The following ACYP2 variants were observed in gnomAD, a reference collection of about 807,000 sequenced individuals.
The protein encoded by ACYP2 is acylphosphatase 2, also known as acylphosphatase-2.
In ACYP2, 12 loss-of-function variants were observed where a neutral mutation model predicts 11.2. That is an observed-to-expected ratio of 1.08 (90% CI 0.69 to 1.74). The LOEUF (loss-of-function observed/expected upper bound fraction) is 1.74. Among genes scored for constraint, ACYP2 ranks in the 40% most tolerant of loss-of-function variants. The pLI, the probability that ACYP2 is intolerant of heterozygous loss-of-function variation, is 0.00. For missense variants in ACYP2, 134 were observed against 101.9 expected (o/e 1.31, Z -1.35); for synonymous variants, 43 against 32.2 (o/e 1.33, Z -1.13).
At position 54,173,358 on chromosome 2, in the gene ACYP2, C is replaced by A. The variant is rs552709439; in HGVS notation, c.404+34610C>A. Among the ~76,000 whole-genome samples the A allele has an allele frequency of 6.6e-5, 10 of 152,280 alleles. No homozygotes were observed. The South Asian group carries it at 1.9e-3, about 28-fold the overall frequency. On this transcript the variant is annotated intron_variant, in intron 6 of 6. Transcript: ENST00000607452. ...ATAAATGTCTTCTTTTGAGAAGTGT[C>A]TGTTTATATCCTTTGCCCACTTTTT...
At chr2:54,042,186 A>C (rs767769753) in intron 2 of ACYP2, among the ~76,000 whole-genome samples, 1 of 152,054 alleles carries the variant, frequency 6.6e-6, no homozygotes, top group African/African-American at 2.4e-5. Flanking sequence ...TTGTATTTTT[A>C]GTAGACACAG....
chr2:54,255,296 TG>T (rs1255808652), intron 6 of ACYP2: 3 of 1,614,222 alleles, frequency 1.9e-6, no homozygotes, highest in Non-Finnish European at 2.5e-6. Context: ...CTAGGGTGTC[TG>T]AGCTCCTTCA....
chr2:54,190,038 A>G (rs1684176665), intron 6 of ACYP2, among the ~76,000 whole-genome samples: 1 of 152,054 alleles, frequency 6.6e-6, no homozygotes. Flanking sequence ...CCCTTTGCCT[A>G]TTTTAAAAAT....
chr2:53,996,202 A>G (rs1672567082), intron 2 of ACYP2, among the ~76,000 whole-genome samples: 1 of 152,082 alleles, frequency 6.6e-6, no homozygotes. Context: ...GTTCTAAGAG[A>G]ATAAGATTCC....
At chr2:53,988,100 C>A (rs912733389) in intron 2 of ACYP2, among the ~76,000 whole-genome samples, 1 of 152,016 alleles carries the variant, frequency 6.6e-6, no homozygotes, top group Non-Finnish European at 1.5e-5. Flanking sequence ...CATGGTGTTG[C>A]GCACCTGTAA....
chr2:54,045,843 G>C (rs1048581116), intron 2 of ACYP2, among the ~76,000 whole-genome samples: 3 of 151,144 alleles, frequency 2.0e-5, no homozygotes, highest in African/African-American at 7.3e-5. Context: ...AACACTTTCT[G>C]CTGCTCAGTA....
chr2:54,083,220 A>G (rs1677761394), intron 4 of ACYP2, among the ~76,000 whole-genome samples: 1 of 152,208 alleles, frequency 6.6e-6, no homozygotes, highest in African/African-American at 2.4e-5. Context: ...CACAAATGTT[A>G]GTCTGCTGCC....
chr2:54,235,630 G>A (rs933279541), intron 6 of ACYP2, among the ~76,000 whole-genome samples: 12 of 152,146 alleles, frequency 7.9e-5, no homozygotes, highest in Admixed American at 2.6e-4. Context: ...GATTACAGGC[G>A]TGAGCCACCG....
At chr2:54,143,900 GGAAATCACCT>G (rs1198862639) in intron 6 of ACYP2, among the ~76,000 whole-genome samples, 1 of 152,002 alleles carries the variant, frequency 6.6e-6, no homozygotes, top group African/African-American at 2.4e-5. Flanking sequence ...AAACAAATTA[GGAAATCACCT>G]GGTCCTGCTG....
At chr2:54,224,530 A>G (rs1186311975) in intron 6 of ACYP2, among the ~76,000 whole-genome samples, 2 of 152,214 alleles carry the variant, frequency 1.3e-5, no homozygotes, top group Non-Finnish European at 2.9e-5. Context: ...GGTGGGCATG[A>G]CAGTGTAGAA....
intron 6 of ACYP2, among the ~76,000 whole-genome samples, chr2:54,169,269 C>G (rs1408793129): frequency 6.6e-6 from 1 of 152,056 alleles, no homozygotes; most frequent in African/African-American, 2.4e-5. Context: ...GTGTGTTGTT[C>G]CTCTTTGTTA....
At chr2:54,198,486 C>G (rs1179937279) in intron 6 of ACYP2, among the ~76,000 whole-genome samples, 1 of 151,958 alleles carries the variant, frequency 6.6e-6, no homozygotes, top group Non-Finnish European at 1.5e-5. Flanking sequence ...GGCTCTTGTT[C>G]AAAAAGCAGG....
chr2:54,192,359 G>A (rs1684273831), intron 6 of ACYP2, among the ~76,000 whole-genome samples: 1 of 152,038 alleles, frequency 6.6e-6, no homozygotes, highest in Non-Finnish European at 1.5e-5. Context: ...GTTTTAAAAT[G>A]TCCCTATTAC....
chr2:54,038,182 C>A (rs1238449281), intron 2 of ACYP2, among the ~76,000 whole-genome samples: 1 of 152,168 alleles, frequency 6.6e-6, no homozygotes, highest in Non-Finnish European at 1.5e-5. Flanking sequence ...CGTCCTGATT[C>A]AAACATTTGT....
intron 2 of ACYP2, chr2:54,029,480 T>C: frequency 2.8e-6 from 1 of 358,418 alleles, no homozygotes; most frequent in East Asian, 6.8e-5. Context: ...TGTATATATG[T>C]ATTATGCATG....
intron 2 of ACYP2, among the ~76,000 whole-genome samples, chr2:54,027,124 T>C (rs1426665083): frequency 6.6e-6 from 1 of 152,224 alleles, no homozygotes; most frequent in Non-Finnish European, 1.5e-5. Flanking sequence ...TCCTCTATTA[T>C]TAACATTAGC....
At chr2:54,127,076 T>G (rs1030470958) in intron 4 of ACYP2, among the ~76,000 whole-genome samples, 31 of 150,954 alleles carry the variant, frequency 2.1e-4, no homozygotes, top group Non-Finnish European at 3.2e-4. Context: ...TATTTTGAAG[T>G]CTTCCTTCAT....
Position 54,087,893 on chromosome 2 carries a change from T to C in ACYP2, c.277+30533T>C, listed in dbSNP as rs542638625. Among the ~76,000 whole-genome samples, 4 of 144,190 alleles carry C rather than the reference T, an allele frequency of 2.8e-5. No homozygotes were observed. In the South Asian group the frequency reaches 7.5e-4, roughly 27 times the overall value. 94.6% of individuals were successfully genotyped at this position (144,190 alleles called of 152,430 possible). On this transcript the variant is annotated intron_variant, in intron 4 of 6. Transcript: ENST00000607452. Reference sequence around the variant, plus strand: ...TACAAAGGAAATTTTTCCAAGACTCTCACACAGATTAAGGATATAAAAAGT... The same window carrying C: ...TACAAAGGAAATTTTTCCAAGACTCCCACACAGATTAAGGATATAAAAAGT...
chr2:54,020,002 G>C (rs1673918620), intron 2 of ACYP2, among the ~76,000 whole-genome samples: 1 of 151,028 alleles, frequency 6.6e-6, no homozygotes, highest in Non-Finnish European at 1.5e-5. Flanking sequence ...GAGTACAATG[G>C]TGCAATCTCG....
Sources: allele counts gnomAD v4.1 joint callset (sites outside exome capture counted in the v4.1 genomes callset), GRCh38; gene constraint gnomAD v4.1.1; transcripts MANE v1.5; gene names NCBI Gene and HGNC (gene_info 2026-07-23, HGNC 2026-07-21).